Variants in PRSS12 observed in about 807,000 individuals in gnomAD.
PRSS12 encodes neurotrypsin.
A neutral mutation model predicts 104.4 loss-of-function variants in PRSS12; 85 were observed. That is an observed-to-expected ratio of 0.81 (90% CI 0.68 to 0.98). The LOEUF is 0.98. Ranked by LOEUF, PRSS12 falls within the 50% of genes least tolerant of loss-of-function variation. PRSS12 has a pLI of 0.00. For missense variants in PRSS12, 1,141 were observed against 1,139.2 expected (o/e 1.00, Z -0.02); for synonymous variants, 454 against 425.2 (o/e 1.07, Z -0.83).
chr4:118,322,132 AAT>A (rs375931887), intron 4 of PRSS12, among the ~76,000 whole-genome samples: 16 of 152,172 alleles, frequency 1.1e-4, no homozygotes, highest in African/African-American at 3.1e-4. Flanking sequence ...TTCCTAGAAA[AAT>A]ATGTTTTAAA....
chr4:118,333,918 C>A (rs1248637140), intron 3 of PRSS12, among the ~76,000 whole-genome samples: 1 of 152,132 alleles, frequency 6.6e-6, no homozygotes, highest in Non-Finnish European at 1.5e-5. Flanking sequence ...TCATATTTAG[C>A]TTATAGATAA....
intron 1 of PRSS12, among the ~76,000 whole-genome samples, chr4:118,341,866 A>G (rs1399170863): frequency 6.6e-6 from 1 of 152,208 alleles, no homozygotes; most frequent in Non-Finnish European, 1.5e-5. Context: ...GAAATACAAT[A>G]AGTACCTTTC....
chr4:118,348,654 CT>C (rs35216011), intron 1 of PRSS12, among the ~76,000 whole-genome samples: 48 of 144,642 alleles, frequency 3.3e-4, no homozygotes, highest in African/African-American at 6.4e-4. Context: ...CAGAATGATT[CT>C]TTTTTTTTTT....
At chr4:118,301,049 AATT>A (rs1743394617) in intron 8 of PRSS12, among the ~76,000 whole-genome samples, 1 of 150,774 alleles carries the variant, frequency 6.6e-6, no homozygotes, top group South Asian at 2.1e-4. Context: ...TCAATTAATT[AATT>A]ATATTATTTA....
intron 11 of PRSS12, among the ~76,000 whole-genome samples, chr4:118,284,318 C>T (rs1241900662): frequency 2.0e-5 from 3 of 152,180 alleles, no homozygotes; most frequent in East Asian, 3.9e-4. Context: ...CAGTTGAGAA[C>T]CTCTGACCTA....
At chr4:118,332,003 GTA>G (rs34331159) in intron 3 of PRSS12, 137 bp from the exon 4 acceptor site, 51 of 1,003,798 alleles carry the variant, frequency 5.1e-5, no homozygotes, top group Non-Finnish European at 7.4e-5. Context: ...ATGGACATAC[GTA>G]TATATATCTA....
chr4:118,348,730 C>T (rs1423794407), intron 1 of PRSS12, among the ~76,000 whole-genome samples: 1 of 151,464 alleles, frequency 6.6e-6, no homozygotes, highest in Admixed American at 6.6e-5. Flanking sequence ...CGGCTCACTA[C>T]AACCTCTGCC....
Position 118,281,298 on chromosome 4 carries a change from C to T in PRSS12, c.*638G>A, listed in dbSNP as rs1238750610. ...AGAAAGTATTTTTATCTTATGGTTT[C>T]TGTAGCACTTGGTACTCAACAAGGA... On this transcript the variant is annotated 3_prime_UTR_variant, in exon 13 of 13. Transcript: ENST00000296498. 6.5e-6 allele frequency: 1 copy of T among 153,812 alleles called. No individual in the cohort carries two copies. Among genetic ancestry groups the T allele is most frequent in the Admixed American group, 6.4e-5 (1 of 15,636 alleles). The allele number at this position is 153,812 out of a possible 1,614,324, so 9.5% of individuals were successfully genotyped here. A position where few individuals can be genotyped will look rare whatever the true frequency, so the allele number is the denominator to read the frequency against.
intron 2 of PRSS12, among the ~76,000 whole-genome samples, chr4:118,336,520 A>G (rs1163583475): frequency 6.6e-6 from 1 of 152,186 alleles, no homozygotes; most frequent in Non-Finnish European, 1.5e-5. Context: ...ATGTGTCTTC[A>G]CAGCAATAAA....
intron 1 of PRSS12, among the ~76,000 whole-genome samples, chr4:118,339,961 G>A (rs1364399341): frequency 6.6e-6 from 1 of 152,062 alleles, no homozygotes; most frequent in Non-Finnish European, 1.5e-5. Context: ...AAGTTACTCA[G>A]GTCAAAAGGG....
chr4:118,330,440 G>A (rs1723889201), intron 4 of PRSS12, among the ~76,000 whole-genome samples: 1 of 151,972 alleles, frequency 6.6e-6, no homozygotes, highest in African/African-American at 2.4e-5. Context: ...CAGAAGATGG[G>A]ACAGTCTCCA....
intron 7 of PRSS12, among the ~76,000 whole-genome samples, chr4:118,310,657 TTTTC>T (rs1171561947): frequency 1.3e-5 from 2 of 152,304 alleles, no homozygotes; most frequent in East Asian, 1.9e-4. Flanking sequence ...CTTTCAGTAG[TTTTC>T]TTTGATTTTT....
At chr4:118,287,214 G>A (rs1027196891) in intron 11 of PRSS12, among the ~76,000 whole-genome samples, 6 of 151,910 alleles carry the variant, frequency 3.9e-5, no homozygotes, top group African/African-American at 1.5e-4. Context: ...GTGCGATCAC[G>A]GCTTACTGCG....
intron 1 of PRSS12, among the ~76,000 whole-genome samples, chr4:118,340,151 T>A (rs1724164708): frequency 6.6e-6 from 1 of 152,158 alleles, no homozygotes; most frequent in African/African-American, 2.4e-5. Flanking sequence ...AAAGTATAAT[T>A]ATGACCATAA....
chr4:118,343,627 C>T (rs1159250810), intron 1 of PRSS12, among the ~76,000 whole-genome samples: 1 of 152,100 alleles, frequency 6.6e-6, no homozygotes, highest in African/African-American at 2.4e-5. Flanking sequence ...CGTGGTGGCC[C>T]AGGCCTGTAA....
intron 4 of PRSS12, among the ~76,000 whole-genome samples, chr4:118,324,332 C>G (rs1288979166): frequency 6.6e-6 from 1 of 151,992 alleles, no homozygotes; most frequent in Admixed American, 6.6e-5. Context: ...GCATGCTTAC[C>G]TATCACATTT....
intron 5 of PRSS12, among the ~76,000 whole-genome samples, chr4:118,316,846 A>ATATATATATG (rs1723447035): frequency 6.9e-6 from 1 of 144,788 alleles, no homozygotes; most frequent in Admixed American, 6.9e-5. Context: ...AAATATATAT[A>ATATATATATG]TATATATATA....
At chr4:118,349,755 C>T (rs903562938) in intron 1 of PRSS12, among the ~76,000 whole-genome samples, 4 of 152,110 alleles carry the variant, frequency 2.6e-5, no homozygotes, top group African/African-American at 9.7e-5. Context: ...GTAATCCCAG[C>T]ACTTTGGAAG....
chr4:118,316,837 A>AAAAAAATATATATATAT (rs35698159), intron 5 of PRSS12, among the ~76,000 whole-genome samples: 19 of 99,182 alleles, frequency 1.9e-4, no homozygotes, highest in African/African-American at 2.4e-4. Flanking sequence ...AAAAAAAAAA[A>AAAAAAATATATATATAT]ATATATATAT....
Sources: gnomAD v4.1 joint callset for allele counts (sites outside exome capture counted in the v4.1 genomes callset) on GRCh38, gnomAD v4.1.1 for gene constraint, MANE v1.5 for transcripts, NCBI Gene and HGNC (gene_info 2026-07-23, HGNC 2026-07-21) for gene names.